The following CFAP91 variants were observed in gnomAD, a reference collection of about 807,000 sequenced individuals.
The protein encoded by CFAP91 is cilia and flagella associated protein 91, also known as cilia- and flagella-associated protein 91.
Under a neutral mutation model 95.9 loss-of-function variants are expected in CFAP91, and 85 were observed. The observed-to-expected ratio is 0.89, with a 90% CI of 0.74 to 1.06. The LOEUF (loss-of-function observed/expected upper bound fraction) is 1.06. Among genes scored for constraint, CFAP91 ranks in the 50% least tolerant of loss-of-function variants. The probability of loss-of-function intolerance (pLI) is 0.00; values close to 1 mark genes in which losing one functional copy is unlikely to be tolerated. For missense variants in CFAP91, 962 were observed against 943.4 expected, an observed-to-expected ratio of 1.02 and a Z score of -0.26; for synonymous variants, 335 against 327.5, an observed-to-expected ratio of 1.02 and a Z score of -0.25.
chr3:119,717,513 A>G (rs1364389413), intron 6 of CFAP91, among the ~76,000 whole-genome samples: 1 of 151,338 alleles, frequency 6.6e-6, no homozygotes, highest in Non-Finnish European at 1.5e-5. Context: ...TTTTAAAATT[A>G]TAAATCAAGC....
chr3:119,733,502 A>C lies in CFAP91; in HGVS notation c.1340A>C (p.His447Pro), dbSNP rs748357663. Residue 447 changes from histidine to proline, a missense_variant, in exon 10 of 18, where the codon CAT becomes CCT. Physicochemically the swap from His to Pro is moderately conservative, Grantham distance 77 (BLOSUM62 -2). Coordinates refer to ENST00000273390, the MANE Select transcript of CFAP91 (RefSeq NM_033364.4). ...ARLDYELAEV[H>P]KALLDKKNKV... is the part of the protein sequence containing the mutation. ...TTGGACTATGAGTTGGCAGAGGTTC[A>C]TAAGGTATAATCATTATCTGGAGGA... 6 of 1,613,054 alleles carry C rather than the reference A, an allele frequency of 3.7e-6. No individual in the cohort carries two copies. The South Asian group carries it at 6.6e-5, about 18-fold the overall frequency.
chr3:119,733,291 A>G (rs920820279), intron 9 of CFAP91, 73 bp from the exon 10 acceptor site: 1 of 1,514,754 alleles, frequency 6.6e-7, no homozygotes, highest in Non-Finnish European at 8.9e-7. Context: ...AACAGCTACA[A>G]AAGTTAACAA....
At chr3:119,731,673 C>A (rs1343929366) in intron 8 of CFAP91, among the ~76,000 whole-genome samples, 1 of 152,140 alleles carries the variant, frequency 6.6e-6, no homozygotes, top group Admixed American at 6.5e-5. Context: ...AGATTTTTAC[C>A]CCCATTGAAA....
At chr3:119,733,289 C>A in intron 9 of CFAP91, 75 bp from the exon 10 acceptor site, 1 of 1,503,794 alleles carries the variant, frequency 6.6e-7, no homozygotes, top group Non-Finnish European at 9.0e-7. Context: ...CAAACAGCTA[C>A]AAAAGTTAAC....
At chr3:119,735,318 T>C (rs1195284333) in intron 10 of CFAP91, among the ~76,000 whole-genome samples, 1 of 152,194 alleles carries the variant, frequency 6.6e-6, no homozygotes, top group Non-Finnish European at 1.5e-5. Context: ...GGTCTTACCT[T>C]AAATTGCACA....
Position 119,707,689 on chromosome 3 carries a change from C to T in CFAP91, c.359+128C>T, listed in dbSNP as rs915754474. The T allele has an allele frequency of 3.0e-4, 165 of 554,288 alleles. No homozygotes were observed. The African/African-American group carries it at 3.0e-3, about 10-fold the overall frequency. The allele number at this position is 554,288 out of a possible 1,614,324, so 34.3% of individuals were successfully genotyped here. A position where few individuals can be genotyped will look rare whatever the true frequency, so the allele number is the denominator to read the frequency against. ...ACCTAGGCCAAATTTTCTTTCTAAA[C>T]CTCTTTTGACCAAACAAACCTGATT... is the stretch of plus-strand genomic sequence containing the variant. On this transcript the variant is annotated intron_variant, in intron 3 of 17. Coordinates refer to ENST00000273390, the MANE Select transcript of CFAP91 (RefSeq NM_033364.4).
At chr3:119,763,331 G>A (rs1305653269) in intron 17 of CFAP91, among the ~76,000 whole-genome samples, 2 of 152,028 alleles carry the variant, frequency 1.3e-5, no homozygotes, top group Non-Finnish European at 2.9e-5. Context: ...GTGTTGAGGA[G>A]GATGTGAAGA....
Position 119,707,427 on chromosome 3 carries a change from C to T in CFAP91, c.225C>T (p.Thr75=). 6.4e-7 allele frequency: 1 copy of T among 1,572,716 alleles called. No individual in the cohort carries two copies. The highest frequency in any genetic ancestry group is 8.7e-7 in the Non-Finnish European group (1 of 1,153,346). ...SRLRKVPRFK[T]MFSNLIHYPR... ...AGAGAAAAGTTCCCAGGTTTAAAAC[C>T]ATGTTCAGTAACCTGATCCATTATC... Residue 75 remains threonine, a synonymous_variant, in exon 3 of 18, where the codon ACC becomes ACT. Coordinates refer to ENST00000273390, the MANE Select transcript of CFAP91 (RefSeq NM_033364.4).
chr3:119,751,943 C>T (rs1246973444), intron 17 of CFAP91, among the ~76,000 whole-genome samples: 1 of 152,200 alleles, frequency 6.6e-6, no homozygotes, highest in East Asian at 1.9e-4. Context: ...ACATTCCTCC[C>T]AGTTCAGATG....
intron 14 of CFAP91, among the ~76,000 whole-genome samples, chr3:119,745,369 C>T (rs941368818): frequency 5.3e-5 from 8 of 152,030 alleles, no homozygotes; most frequent in Admixed American, 2.0e-4. Context: ...ATAAAGTCAT[C>T]GACTCATCTT....
In CFAP91 at chr3:119,706,663, A is replaced by G. The variant is rs2053369844; in HGVS notation, c.125-146A>G. 4 of 641,594 alleles carry G rather than the reference A, an allele frequency of 6.2e-6. No homozygotes were observed. In the South Asian group the frequency reaches 7.5e-5, roughly 12 times the overall value. 39.7% of individuals were successfully genotyped at this position (641,594 alleles called of 1,614,324 possible). On this transcript the variant is annotated intron_variant, in intron 1 of 17. Coordinates refer to ENST00000273390, the MANE Select transcript of CFAP91 (RefSeq NM_033364.4). Reference sequence around the variant, plus strand: ...GTAGAGTAACAGGGCCACATGCACAACAGAGCATGAGCTGCTGCAGAGTCA... The same window carrying G: ...GTAGAGTAACAGGGCCACATGCACAGCAGAGCATGAGCTGCTGCAGAGTCA...
chr3:119,750,261 T>C (rs1051721785), intron 16 of CFAP91: 1 of 152,216 alleles, frequency 6.6e-6, no homozygotes, highest in East Asian at 1.9e-4. Flanking sequence ...TAAAATACTA[T>C]CTTCTAGGAG....
At chr3:119,708,917 C>G (rs4544652) in intron 4 of CFAP91, among the ~76,000 whole-genome samples, 1 of 151,964 alleles carries the variant, frequency 6.6e-6, no homozygotes, top group Non-Finnish European at 1.5e-5. Flanking sequence ...GTCATATAAG[C>G]TAGCAAGGGG....
intron 5 of CFAP91, among the ~76,000 whole-genome samples, chr3:119,712,984 C>A (rs866728741): frequency 8.1e-5 from 12 of 147,498 alleles, no homozygotes; most frequent in African/African-American, 2.3e-4. Flanking sequence ...AAAAAAAAAA[C>A]AACTATTTAA....
chr3:119,742,394 T>C (rs976155441), intron 13 of CFAP91, among the ~76,000 whole-genome samples: 2 of 152,314 alleles, frequency 1.3e-5, no homozygotes, highest in East Asian at 3.9e-4. Context: ...CAACCCCCAA[T>C]TACGTAACAC....
At chr3:119,749,711 C>G (rs1189992935) in intron 16 of CFAP91, among the ~76,000 whole-genome samples, 1 of 152,102 alleles carries the variant, frequency 6.6e-6, no homozygotes, top group East Asian at 1.9e-4. Context: ...AGGGAGCACA[C>G]TAGGACCTTT....
At position 119,715,804 on chromosome 3, in the gene CFAP91, T is replaced by A. The variant is rs535856324; in HGVS notation, c.682+61T>A. ...CGATGCTGATAACCACGCATGCTGTTCAAATGGCCCATGTACAGGCAATTG... is the reference window on the plus strand; with the variant it reads ...CGATGCTGATAACCACGCATGCTGTACAAATGGCCCATGTACAGGCAATTG... On this transcript the variant is annotated intron_variant, in intron 6 of 17. Coordinates refer to ENST00000273390, the MANE Select transcript of CFAP91 (RefSeq NM_033364.4). 54 of 1,469,836 alleles carry A rather than the reference T, an allele frequency of 3.7e-5. 1 individual carries two copies. In the South Asian group the frequency reaches 5.3e-4, roughly 15 times the overall value. The allele number at this position is 1,469,836 out of a possible 1,614,324, so 91.0% of individuals were successfully genotyped here.
At chr3:119,709,163 A>T (rs1397042360) in intron 4 of CFAP91, among the ~76,000 whole-genome samples, 1 of 152,216 alleles carries the variant, frequency 6.6e-6, no homozygotes, top group East Asian at 1.9e-4. Context: ...TTTGTGATTT[A>T]TGCTTATGTA....
intron 10 of CFAP91, among the ~76,000 whole-genome samples, chr3:119,735,675 G>A (rs1174445502): frequency 6.6e-6 from 1 of 152,110 alleles, no homozygotes; most frequent in Non-Finnish European, 1.5e-5. Context: ...AATAATAAAA[G>A]TACATCTTCA....
Sources: gnomAD v4.1 joint callset for allele counts (sites outside exome capture counted in the v4.1 genomes callset) on GRCh38, gnomAD v4.1.1 for gene constraint, MANE v1.5 for transcripts, NCBI Gene and HGNC (gene_info 2026-07-23, HGNC 2026-07-21) for gene names.